Variants in SHISA9 observed in about 807,000 individuals in gnomAD.
The protein encoded by SHISA9 is shisa family member 9, also known as protein shisa-9.
A neutral mutation model predicts 38.0 loss-of-function variants in SHISA9; 13 were observed. The observed-to-expected ratio is 0.34, with a 90% CI of 0.22 to 0.54. The LOEUF is 0.54. Ranked by LOEUF, SHISA9 falls within the 20% of genes least tolerant of loss-of-function variation. The probability of loss-of-function intolerance (pLI) is 0.91; values close to 1 mark genes in which losing one functional copy is unlikely to be tolerated. For missense variants in SHISA9, 538 were observed against 575.8 expected, an observed-to-expected ratio of 0.93 and a Z score of 0.67; for synonymous variants, 275 against 242.0, an observed-to-expected ratio of 1.14 and a Z score of -1.27.
intron 2 of SHISA9, among the ~76,000 whole-genome samples, chr16:12,983,022 A>T (rs1483545675): frequency 1.3e-5 from 2 of 152,200 alleles, no homozygotes; most frequent in African/African-American, 4.8e-5. Flanking sequence ...GTGAGGTGGT[A>T]TTGGGTGCTA....
chr16:12,938,579 C>A (rs1463122160), intron 2 of SHISA9, among the ~76,000 whole-genome samples: 1 of 152,006 alleles, frequency 6.6e-6, no homozygotes, highest in Non-Finnish European at 1.5e-5. Context: ...CTTCCTGCAA[C>A]CTTTGCCTCC....
chr16:13,386,079 T>A, the SHISA9 span, among the ~76,000 whole-genome samples: 1 of 152,260 alleles, frequency 6.6e-6, no homozygotes, highest in East Asian at 1.9e-4. Context: ...CCCATGGATA[T>A]ATGAACCTAC....
chr16:12,981,577 G>A (rs919769689), intron 2 of SHISA9, among the ~76,000 whole-genome samples: 12 of 152,186 alleles, frequency 7.9e-5, no homozygotes, highest in Non-Finnish European at 1.5e-4. Flanking sequence ...GAGGAAGCCA[G>A]CAGTCTAGCC....
chr16:13,264,141 G>C, the SHISA9 span, among the ~76,000 whole-genome samples: 1 of 151,684 alleles, frequency 6.6e-6, no homozygotes, highest in East Asian at 1.9e-4. Flanking sequence ...CTCAATAGGG[G>C]AGTTAGGGAG....
chr16:12,923,527 C>CA (rs996230437), intron 2 of SHISA9, among the ~76,000 whole-genome samples: 28 of 145,258 alleles, frequency 1.9e-4, no homozygotes, highest in African/African-American at 4.6e-4. Context: ...AACTCTGTCT[C>CA]AAAAAAAAAG....
At chr16:13,325,041 T>A in the SHISA9 span, among the ~76,000 whole-genome samples, 2 of 152,178 alleles carry the variant, frequency 1.3e-5, no homozygotes, top group Admixed American at 1.3e-4. Context: ...TTTCTTATCA[T>A]GTAAATAAAG....
rs551113816 is a variant in SHISA9 at position 12,953,408 on chromosome 16, A to G, written c.691+36593A>G. The stretch of plus-strand genomic sequence containing the variant: ...GAGAACCTGAGGCACAGAAAGATGA[A>G]GCTGTTGGCCAAAGGATGCCTTGTT... On this transcript the variant is annotated intron_variant, in intron 2 of 4. Coordinates refer to ENST00000558583, the MANE Select transcript of SHISA9 (RefSeq NM_001145204.3). Among the ~76,000 whole-genome samples, 5 of 152,294 alleles carry G rather than the reference A, an allele frequency of 3.3e-5. No individual in the cohort carries two copies. In the South Asian group the frequency reaches 1.0e-3, roughly 32 times the overall value.
chr16:13,215,292 A>T (rs1265737059), intron 4 of SHISA9, among the ~76,000 whole-genome samples: 1 of 152,220 alleles, frequency 6.6e-6, no homozygotes, highest in East Asian at 1.9e-4. Flanking sequence ...GCTCAGAAAC[A>T]TCCTGAGTTG....
At chr16:13,426,992 A>T in the SHISA9 span, among the ~76,000 whole-genome samples, 2 of 152,312 alleles carry the variant, frequency 1.3e-5, no homozygotes, top group Admixed American at 1.3e-4. Context: ...TTTCTCACTC[A>T]TGCCGATTGT....
At chr16:13,510,103 C>T in the SHISA9 span, among the ~76,000 whole-genome samples, 2 of 151,992 alleles carry the variant, frequency 1.3e-5, no homozygotes, top group Non-Finnish European at 2.9e-5. Flanking sequence ...GTCAGGAGTT[C>T]GAGACCAGGC....
At chr16:13,126,429 G>A (rs971088861) in intron 2 of SHISA9, among the ~76,000 whole-genome samples, 1 of 151,796 alleles carries the variant, frequency 6.6e-6, no homozygotes, top group African/African-American at 2.4e-5. Flanking sequence ...AGAGGAAGAG[G>A]GAGAGAGAGA....
chr16:13,441,404 A>C, the SHISA9 span, among the ~76,000 whole-genome samples: 1 of 152,156 alleles, frequency 6.6e-6, no homozygotes, highest in South Asian at 2.1e-4. Context: ...GAATGACCCT[A>C]TCATCTAAGA....
chr16:13,082,368 C>G (rs1056837757), intron 2 of SHISA9: 2 of 151,462 alleles, frequency 1.3e-5, no homozygotes, highest in Non-Finnish European at 2.9e-5. Flanking sequence ...GTTCCTCTCT[C>G]TTTGCCTTTT....
Position 12,917,405 on chromosome 16 carries a change from C to A in SHISA9, c.691+590C>A, listed in dbSNP as rs1164803626. Among the ~76,000 whole-genome samples the A allele has an allele frequency of 2.6e-5, 4 of 152,128 alleles. No homozygotes were observed. In the South Asian group the frequency reaches 6.2e-4, roughly 24 times the overall value. Reference sequence around the variant, plus strand: ...TCGGTCCTGTTGATTTGAGGTTCCTCTGTATGATTCAACAGCAGCAAATTC... The same window carrying A: ...TCGGTCCTGTTGATTTGAGGTTCCTATGTATGATTCAACAGCAGCAAATTC... On this transcript the variant is annotated intron_variant, in intron 2 of 4. Coordinates refer to ENST00000558583, the MANE Select transcript of SHISA9 (RefSeq NM_001145204.3).
At chr16:13,425,274 G>C in the SHISA9 span, among the ~76,000 whole-genome samples, 4 of 152,194 alleles carry the variant, frequency 2.6e-5, no homozygotes, top group African/African-American at 7.2e-5. Flanking sequence ...TGGGCAGATG[G>C]CTTGAGGTCT....
At chr16:13,422,682 T>G in the SHISA9 span, among the ~76,000 whole-genome samples, 2 of 151,712 alleles carry the variant, frequency 1.3e-5, no homozygotes, top group Admixed American at 6.6e-5. Flanking sequence ...GGTGAAAGAG[T>G]GAGACTCTGT....
chr16:12,903,703 G>A (rs1198164797), intron 1 of SHISA9, among the ~76,000 whole-genome samples: 2 of 151,986 alleles, frequency 1.3e-5, no homozygotes, highest in Admixed American at 6.6e-5. Context: ...TGGGGCATAA[G>A]CTTTAACTGT....
chr16:13,098,607 T>G (rs1308437171), intron 2 of SHISA9, among the ~76,000 whole-genome samples: 1 of 152,184 alleles, frequency 6.6e-6, no homozygotes. Flanking sequence ...CTGGAGAAAG[T>G]GACTTCTGGA....
intron 1 of SHISA9, among the ~76,000 whole-genome samples, chr16:12,912,564 A>G (rs2071199857): frequency 6.6e-6 from 1 of 152,212 alleles, no homozygotes; most frequent in African/African-American, 2.4e-5. Flanking sequence ...CCTGAAGCTC[A>G]GCATGAAGAG....
Sources: allele counts gnomAD v4.1 joint callset (sites outside exome capture counted in the v4.1 genomes callset), GRCh38; gene constraint gnomAD v4.1.1; transcripts MANE v1.5; gene names NCBI Gene and HGNC (gene_info 2026-07-23, HGNC 2026-07-21).